The following FHIT variants were observed in gnomAD, a reference collection of about 807,000 sequenced individuals.
FHIT encodes the protein fragile histidine triad diadenosine triphosphatase.
In FHIT, 19 loss-of-function variants were observed where a neutral mutation model predicts 17.9. That is an observed-to-expected ratio of 1.06 (90% confidence interval 0.74 to 1.56). The LOEUF is 1.56. Ranked by LOEUF, FHIT falls within the 40% of genes most tolerant of loss-of-function variation. The pLI is 0.00. For synonymous variants in FHIT, 81 were observed against 69.7 expected (o/e 1.16, Z -0.81); for missense variants, 248 against 189.2 (o/e 1.31, Z -1.82).
At chr3:60,782,233 G>GTATATATATATATA (rs775581148) in intron 4 of FHIT, among the ~76,000 whole-genome samples, 32 of 133,138 alleles carry the variant, frequency 2.4e-4, no homozygotes, top group African/African-American at 3.7e-4. Flanking sequence ...GTGTGTGTGT[G>GTATATATATATATA]TGTGTATATA....
At chr3:59,975,054 C>T (rs1708350063) in intron 7 of FHIT, among the ~76,000 whole-genome samples, 1 of 152,068 alleles carries the variant, frequency 6.6e-6, no homozygotes, top group Admixed American at 6.6e-5. Flanking sequence ...TGTGGGCCCT[C>T]ATTCCCCTCA....
intron 2 of FHIT, among the ~76,000 whole-genome samples, chr3:61,126,766 C>T (rs1348199467): frequency 6.6e-6 from 1 of 152,188 alleles, no homozygotes; most frequent in Non-Finnish European, 1.5e-5. Context: ...CCGGAAGGAG[C>T]GTGGGGAGAG....
At chr3:61,011,126 A>T (rs1051055501) in intron 3 of FHIT, among the ~76,000 whole-genome samples, 10 of 152,188 alleles carry the variant, frequency 6.6e-5, no homozygotes, top group South Asian at 2.1e-4. Flanking sequence ...TGACTTACTT[A>T]TTCATTCTTA....
intron 3 of FHIT, among the ~76,000 whole-genome samples, chr3:61,038,935 G>C (rs73106387): frequency 0.048 from 7,369 of 152,126 alleles, 212 homozygotes; most frequent in African/African-American, 0.062. Context: ...ATAAGCCATG[G>C]GCTCTGAACA....
At chr3:60,418,418 A>ATGTG (rs1702341791) in intron 5 of FHIT, among the ~76,000 whole-genome samples, 1 of 38,408 alleles carries the variant, frequency 2.6e-5, no homozygotes, top group Non-Finnish European at 6.2e-5. Flanking sequence ...ATATATATAT[A>ATGTG]TATATATACG....
At chr3:60,123,604 T>A (rs1185501409) in intron 5 of FHIT, among the ~76,000 whole-genome samples, 1 of 152,082 alleles carries the variant, frequency 6.6e-6, no homozygotes, top group East Asian at 1.9e-4. Context: ...TGTGTTTTAA[T>A]ACCAACACAG....
At chr3:61,000,723 A>G (rs966350503) in intron 3 of FHIT, among the ~76,000 whole-genome samples, 4 of 152,182 alleles carry the variant, frequency 2.6e-5, no homozygotes, top group Non-Finnish European at 4.4e-5. Context: ...TTTATTTCCA[A>G]TATACCCTAT....
In FHIT at chr3:59,821,226, CT is replaced by C. The variant is rs1700775606; in HGVS notation, c.349-68906del. On this transcript the variant is annotated intron_variant, in intron 8 of 9. Transcript: ENST00000492590. ...CTGAGAAACCCCAACAGTTAAAGGA[CT>C]GGCAAAGGAATAAACCTGAGAAGGA... Among the ~76,000 whole-genome samples, 3 of 152,232 alleles carry C rather than the reference CT, an allele frequency of 2.0e-5. No homozygotes were observed. The South Asian group carries it at 6.2e-4, about 32-fold the overall frequency.
At chr3:60,551,345 G>C (rs566690731) in intron 4 of FHIT, among the ~76,000 whole-genome samples, 1 of 146,592 alleles carries the variant, frequency 6.8e-6, no homozygotes, top group Non-Finnish European at 1.5e-5. Context: ...AATCATCTCA[G>C]GACGCCTGGT....
intron 2 of FHIT, among the ~76,000 whole-genome samples, chr3:61,156,295 C>T (rs896537169): frequency 3.3e-5 from 5 of 151,994 alleles, no homozygotes; most frequent in Admixed American, 6.6e-5. Context: ...GTCTTGGAAC[C>T]CCTAACTCAT....
intron 5 of FHIT, among the ~76,000 whole-genome samples, chr3:60,139,116 C>G (rs1699931648): frequency 6.6e-6 from 1 of 152,112 alleles, no homozygotes; most frequent in South Asian, 2.1e-4. Flanking sequence ...ACAAGTGCAT[C>G]TAACTGGCAA....
intron 5 of FHIT, among the ~76,000 whole-genome samples, chr3:60,032,745 G>A (rs1407682909): frequency 6.6e-6 from 1 of 152,002 alleles, no homozygotes; most frequent in Non-Finnish European, 1.5e-5. Flanking sequence ...CCATAGACCC[G>A]CAGCTGTCTA....
At chr3:61,043,455 T>A (rs1185147764) in intron 2 of FHIT, among the ~76,000 whole-genome samples, 1 of 151,708 alleles carries the variant, frequency 6.6e-6, no homozygotes, top group African/African-American at 2.4e-5. Context: ...GAGGCTTGAG[T>A]AGGAAAACAA....
At chr3:60,183,408 A>G (rs140307369) in intron 5 of FHIT, among the ~76,000 whole-genome samples, 2,977 of 152,270 alleles carry the variant, frequency 0.02, 60 homozygotes, top group Non-Finnish European at 0.029. Context: ...AAACAAAGAA[A>G]CAAATAAACA....
chr3:60,493,178 G>A (rs2034139988), intron 5 of FHIT, among the ~76,000 whole-genome samples: 1 of 152,120 alleles, frequency 6.6e-6, no homozygotes. Flanking sequence ...TTTGGGTAAA[G>A]GGCACAACAT....
At chr3:61,221,786 C>T (rs868556486) in intron 1 of FHIT, among the ~76,000 whole-genome samples, 1 of 152,188 alleles carries the variant, frequency 6.6e-6, no homozygotes, top group Non-Finnish European at 1.5e-5. Context: ...AATACCAGCT[C>T]CCCATTTGGT....
chr3:60,229,818 A>T (rs1337375035), intron 5 of FHIT, among the ~76,000 whole-genome samples: 1 of 152,166 alleles, frequency 6.6e-6, no homozygotes, highest in Non-Finnish European at 1.5e-5. Context: ...TATCTCTAAA[A>T]GGACTTTTTT....
chr3:60,966,908 A>G (rs1274441967), intron 3 of FHIT, among the ~76,000 whole-genome samples: 1 of 152,212 alleles, frequency 6.6e-6, no homozygotes, highest in African/African-American at 2.4e-5. Flanking sequence ...TGTACTCCAA[A>G]TCAGCTGATG....
intron 4 of FHIT, among the ~76,000 whole-genome samples, chr3:60,715,580 A>T (rs782432568): frequency 1.5e-5 from 2 of 132,908 alleles, no homozygotes; most frequent in African/African-American, 2.9e-5. Flanking sequence ...ATGAGAACAC[A>T]TGGACGCAGG....
Sources: gnomAD v4.1 joint callset for allele counts (sites outside exome capture counted in the v4.1 genomes callset) on GRCh38, gnomAD v4.1.1 for gene constraint, MANE v1.5 for transcripts, NCBI Gene and HGNC (gene_info 2026-07-23, HGNC 2026-07-21) for gene names.